ALK: variants seen among roughly 807,000 people sequenced by gnomAD.
ALK encodes the protein ALK receptor tyrosine kinase, also known as ALK tyrosine kinase receptor.
A neutral mutation model predicts 163.1 loss-of-function variants in ALK; 74 were observed. That is an observed-to-expected ratio of 0.45 (90% CI 0.38 to 0.55). The LOEUF is 0.55. Ranked by LOEUF, ALK falls within the 20% of genes least tolerant of loss-of-function variation. The probability of loss-of-function intolerance (pLI) is 0.00; values close to 1 mark genes in which losing one functional copy is unlikely to be tolerated. For missense variants in ALK, 2,063 were observed against 2,105.3 expected, an observed-to-expected ratio of 0.98 and a Z score of 0.39; for synonymous variants, 960 against 843.2, an observed-to-expected ratio of 1.14 and a Z score of -2.40.
chr2:29,193,946 A>C (rs1324046912), intron 28 of ALK, 24 bp from the exon 29 acceptor site: 1 of 1,610,870 alleles, frequency 6.2e-7, no homozygotes. Context: ...AATTATTAAA[A>C]CTTTGAATCA....
chr2:29,893,804 C>T (rs925075291), intron 1 of ALK, among the ~76,000 whole-genome samples: 1 of 152,076 alleles, frequency 6.6e-6, no homozygotes, highest in Non-Finnish European at 1.5e-5. Flanking sequence ...GAAGTTTCTT[C>T]TATGGGGAAA....
At chr2:29,269,748 C>T (rs746085526) in intron 11 of ALK, among the ~76,000 whole-genome samples, 12 of 152,146 alleles carry the variant, frequency 7.9e-5, no homozygotes, top group Non-Finnish European at 1.0e-4. Context: ...GTGTCTCAAG[C>T]GGCTCCAAGG....
chr2:29,202,964 G>C (rs2148148394), intron 26 of ALK, among the ~76,000 whole-genome samples: 1 of 152,270 alleles, frequency 6.6e-6, no homozygotes, highest in African/African-American at 2.4e-5. Context: ...GTGTGTTCAG[G>C]ACAATTACTT....
chr2:29,649,101 A>T (rs1428768757), intron 3 of ALK, among the ~76,000 whole-genome samples: 1 of 151,504 alleles, frequency 6.6e-6, no homozygotes, highest in Admixed American at 6.6e-5. Flanking sequence ...ATTTTCTATT[A>T]CTCTGAAGTT....
chr2:29,235,417 T>A (rs559392499), intron 13 of ALK, among the ~76,000 whole-genome samples: 12 of 152,072 alleles, frequency 7.9e-5, no homozygotes, highest in Non-Finnish European at 1.6e-4. Flanking sequence ...GTTTGTTTCA[T>A]GGAATTTTGG....
At chr2:29,504,546 T>C (rs1185685099) in intron 4 of ALK, among the ~76,000 whole-genome samples, 1 of 151,520 alleles carries the variant, frequency 6.6e-6, no homozygotes, top group Non-Finnish European at 1.5e-5. Context: ...GAGGGGCAAG[T>C]GGGTAAGTGT....
chr2:29,338,161 C>T (rs1667681914), intron 5 of ALK, among the ~76,000 whole-genome samples: 1 of 152,136 alleles, frequency 6.6e-6, no homozygotes, highest in Non-Finnish European at 1.5e-5. Context: ...TTTGGGTGTC[C>T]TCATGTCACA....
chr2:29,902,937 G>C (rs1245772667), intron 1 of ALK, among the ~76,000 whole-genome samples: 2 of 152,094 alleles, frequency 1.3e-5, no homozygotes, highest in East Asian at 3.9e-4. Context: ...ACTAACCTAT[G>C]CATATAATCT....
intron 1 of ALK, among the ~76,000 whole-genome samples, chr2:29,839,972 T>C (rs926670224): frequency 6.6e-6 from 1 of 152,212 alleles, no homozygotes; most frequent in African/African-American, 2.4e-5. Flanking sequence ...ACACAATTCA[T>C]AGAGGAGGAA....
At chr2:29,911,850 G>A (rs950734911) in intron 1 of ALK, among the ~76,000 whole-genome samples, 3 of 152,172 alleles carry the variant, frequency 2.0e-5, no homozygotes, top group Admixed American at 6.5e-5. Context: ...TATCAAAGAC[G>A]TGAAAGAAGC....
chr2:29,757,931 C>T lies in ALK; in HGVS notation c.668-40234G>A, dbSNP rs190741544. Among the ~76,000 whole-genome samples the T allele has an allele frequency of 9.9e-5, 15 of 151,884 alleles. No individual in the cohort carries two copies. The East Asian group carries it at 1.9e-3, about 20-fold the overall frequency. ...GTAGACAGACAGACATGATCTCACT[C>T]AGGCCTTCATTCTTTTCATGAGGGA... On this transcript the variant is annotated intron_variant, in intron 1 of 28. Coordinates refer to ENST00000389048, the MANE Select transcript of ALK (RefSeq NM_004304.5).
rs1416504071 is a variant in ALK, at chr2:29,920,750, G to A, written c.-91C>T. 7 of 1,196,450 alleles carry A rather than the reference G, an allele frequency of 5.9e-6. No homozygotes were observed. The East Asian group carries it at 1.0e-4, about 18-fold the overall frequency. 74.1% of individuals were successfully genotyped at this position (1,196,450 alleles called of 1,614,324 possible). A position where few individuals can be genotyped will look rare whatever the true frequency, so the allele number is the denominator to read the frequency against. Reference sequence around the variant, plus strand: ...GGGAAGAGGCTCTGAACAGTCCTTGGTACCCAGCGGCTCCTTCCACCTGAT... The same window carrying A: ...GGGAAGAGGCTCTGAACAGTCCTTGATACCCAGCGGCTCCTTCCACCTGAT... On this transcript the variant is annotated 5_prime_UTR_variant, in exon 1 of 29. Coordinates refer to ENST00000389048, the MANE Select transcript of ALK (RefSeq NM_004304.5).
Position 29,358,217 on chromosome 2 carries a change from C to T in ALK, c.1282+25515G>A, listed in dbSNP as rs560401409. Among the ~76,000 whole-genome samples the T allele has an allele frequency of 2.6e-5, 4 of 152,286 alleles. No homozygotes were observed. The South Asian group carries it at 8.3e-4, about 32-fold the overall frequency. ...CAAATGTATTAAAACAATAACTGAA[C>T]CAAGACAGGCCTTCCACTCTTTGGA... is the stretch of plus-strand genomic sequence containing the variant. On this transcript the variant is annotated intron_variant, in intron 5 of 28. Transcript: ENST00000389048.
At chr2:29,239,396 G>T (rs936157044) in intron 13 of ALK, among the ~76,000 whole-genome samples, 1 of 152,186 alleles carries the variant, frequency 6.6e-6, no homozygotes, top group Non-Finnish European at 1.5e-5. Flanking sequence ...TGTGCTTCAG[G>T]TGAGGGAGGG....
chr2:29,529,642 C>T lies in ALK; in HGVS notation c.1154+2273G>A, dbSNP rs141185292. ...CTGTTCCTTGCAGCTGGCCAAGGCA[C>T]CCACAAGAGTAGCTCTGCGCTGCAG... On this transcript the variant is annotated intron_variant, in intron 4 of 28. Transcript: ENST00000389048. Among the ~76,000 whole-genome samples the T allele has an allele frequency of 7.0e-4, 107 of 152,350 alleles. No homozygotes were observed. The South Asian group carries it at 0.011, about 15-fold the overall frequency.
chr2:29,268,298 C>T (rs949175996), intron 11 of ALK, among the ~76,000 whole-genome samples: 3 of 152,164 alleles, frequency 2.0e-5, no homozygotes, highest in Non-Finnish European at 4.4e-5. Context: ...TCACAGGACA[C>T]ATTTTGAAAA....
At chr2:29,701,239 G>C (rs143759682) in intron 2 of ALK, among the ~76,000 whole-genome samples, 1 of 152,140 alleles carries the variant, frequency 6.6e-6, no homozygotes, top group Non-Finnish European at 1.5e-5. Flanking sequence ...CCTTAACCTT[G>C]AGCCTGTTAA....
At chr2:29,596,520 C>T (rs773308970) in intron 3 of ALK, among the ~76,000 whole-genome samples, 2 of 152,058 alleles carry the variant, frequency 1.3e-5, no homozygotes, top group Non-Finnish European at 2.9e-5. Flanking sequence ...AGTAAAGACA[C>T]CTTAAGAAAC....
At chr2:29,274,570 A>G (rs1665478505) in intron 11 of ALK, among the ~76,000 whole-genome samples, 1 of 152,364 alleles carries the variant, frequency 6.6e-6, no homozygotes, top group South Asian at 2.1e-4. Flanking sequence ...GTTCTGCTGA[A>G]GTGGCAAGGG....
Sources: gnomAD v4.1 joint callset for allele counts (sites outside exome capture counted in the v4.1 genomes callset) on GRCh38, gnomAD v4.1.1 for gene constraint, MANE v1.5 for transcripts, NCBI Gene and HGNC (gene_info 2026-07-23, HGNC 2026-07-21) for gene names.